BBS9: variants seen among roughly 807,000 people sequenced by gnomAD.
BBS9 encodes the protein protein PTHB1.
A neutral mutation model predicts 117.7 loss-of-function variants in BBS9; 89 were observed. That is an observed-to-expected ratio of 0.76 (90% CI 0.64 to 0.90). The LOEUF is 0.90. Ranked by LOEUF, BBS9 falls within the 40% of genes least tolerant of loss-of-function variation. The pLI is 0.00. For missense variants in BBS9, 982 were observed against 1,042.2 expected, an observed-to-expected ratio of 0.94 and a Z score of 0.80; for synonymous variants, 379 against 370.9, an observed-to-expected ratio of 1.02 and a Z score of -0.25.
chr7:33,389,687 TAAAAAAAAAAA>T (rs5883400), intron 19 of BBS9, among the ~76,000 whole-genome samples: 27 of 91,962 alleles, frequency 2.9e-4, no homozygotes, highest in Admixed American at 2.4e-3. Context: ...AGACTCCATC[TAAAAAAAAAAA>T]AAAAAAAAAA....
intron 9 of BBS9, among the ~76,000 whole-genome samples, chr7:33,308,952 C>T (rs182322289): frequency 6.6e-6 from 1 of 152,144 alleles, no homozygotes; most frequent in Non-Finnish European, 1.5e-5. Context: ...TTTTAAGTAC[C>T]AGTTGCTTTT....
At chr7:33,507,254 G>T (rs950644653) in intron 20 of BBS9, among the ~76,000 whole-genome samples, 1 of 151,720 alleles carries the variant, frequency 6.6e-6, no homozygotes, top group South Asian at 2.1e-4. Context: ...TTGTTTTTTC[G>T]TTTTGAGATG....
chr7:33,468,951 A>C lies in BBS9; in HGVS notation c.2116-36512A>C, dbSNP rs530493985. On this transcript the variant is annotated intron_variant, in intron 19 of 22. Coordinates refer to ENST00000242067, the MANE Select transcript of BBS9 (RefSeq NM_198428.3). ...GTTCCATATTTTGGCTCTTGTGAAT[A>C]GTGCTGCTTTAAACAGGCATACAGA... is the stretch of plus-strand genomic sequence containing the variant. Among the ~76,000 whole-genome samples the C allele has an allele frequency of 2.0e-5, 3 of 151,956 alleles. No homozygotes were observed. The East Asian group carries it at 5.8e-4, about 29-fold the overall frequency.
chr7:33,596,424 C>T (rs1028949436), intron 21 of BBS9, among the ~76,000 whole-genome samples: 5 of 151,184 alleles, frequency 3.3e-5, no homozygotes, highest in African/African-American at 1.2e-4. Flanking sequence ...TTCCCACCAT[C>T]ATACCTTTAC....
chr7:33,332,506 G>A lies in BBS9; in HGVS notation c.1017-3935G>A, dbSNP rs182139344. 3.2e-3 allele frequency among the ~76,000 whole-genome samples: 483 copies of A among 152,150 alleles called. 2 individuals are homozygous for A. The highest frequency in any genetic ancestry group is 0.011 in the African/African-American group (463 of 41,508). On this transcript the variant is annotated intron_variant, in intron 9 of 22. Transcript: ENST00000242067. ...AGCCTGGCCAAAATGGCAAAACCCC[G>A]TCTGTACTAAAAATATAAAAATTAG...
intron 13 of BBS9, 79 bp from the exon 14 acceptor site, chr7:33,351,140 G>A: frequency 2.2e-6 from 2 of 900,780 alleles, no homozygotes; most frequent in South Asian, 1.4e-5. Context: ...CATGTGGTGA[G>A]TGCTTATTAA....
At chr7:33,387,057 C>G (rs1366828975) in intron 18 of BBS9, among the ~76,000 whole-genome samples, 6 of 152,102 alleles carry the variant, frequency 3.9e-5, no homozygotes. Context: ...ATTTGCACAG[C>G]ATTGCATATC....
At chr7:33,501,783 CTG>C (rs1490376304) in intron 19 of BBS9, among the ~76,000 whole-genome samples, 2 of 152,362 alleles carry the variant, frequency 1.3e-5, no homozygotes, top group African/African-American at 2.4e-5. Context: ...TCAGAATACT[CTG>C]TGGCTCCCCA....
chr7:33,569,156 A>G (rs1046891745), intron 21 of BBS9, among the ~76,000 whole-genome samples: 7 of 152,302 alleles, frequency 4.6e-5, no homozygotes, highest in Admixed American at 2.6e-4. Flanking sequence ...AGGGGGTGGG[A>G]AAGAAAAGCA....
intron 19 of BBS9, among the ~76,000 whole-genome samples, chr7:33,468,049 T>G (rs1840441875): frequency 6.6e-6 from 1 of 152,152 alleles, no homozygotes; most frequent in African/African-American, 2.4e-5. Flanking sequence ...TTGAAGTGAT[T>G]ATTTATTTTT....
intron 9 of BBS9, among the ~76,000 whole-genome samples, chr7:33,300,306 C>G (rs1007284426): frequency 1.3e-5 from 2 of 152,096 alleles, no homozygotes; most frequent in African/African-American, 2.4e-5. Flanking sequence ...GAAAGGGATC[C>G]TTGGATGCAG....
rs895476798 is a variant in BBS9, at chr7:33,534,160, G to A, written c.2505G>A (p.Gln835=). Reference sequence around the variant, plus strand: ...TAAGTACCGATGCAGCAGCCCCACAGACCATGGTCATGCCAGGTAAGAGCT... The same window carrying A: ...TAAGTACCGATGCAGCAGCCCCACAAACCATGGTCATGCCAGGTAAGAGCT... ...LCLSTDAAAP[Q]TMVMPGGCTT... Residue 835 remains glutamine, a synonymous_variant, in exon 21 of 23, where the codon CAG becomes CAA. Transcript: ENST00000242067. 1.2e-5 allele frequency: 20 copies of A among 1,613,994 alleles called. No individual in the cohort carries two copies. The highest frequency in any genetic ancestry group is 1.6e-5 in the Non-Finnish European group (19 of 1,180,020).
intron 9 of BBS9, 38 bp from the exon 10 acceptor site, chr7:33,336,403 A>AT: frequency 6.4e-7 from 1 of 1,568,292 alleles, no homozygotes; most frequent in South Asian, 1.1e-5. Flanking sequence ...CTCTACTGAA[A>AT]TTTAAAATTA....
chr7:33,548,287 G>A (rs1853744416), intron 21 of BBS9, among the ~76,000 whole-genome samples: 1 of 152,094 alleles, frequency 6.6e-6, no homozygotes, highest in Non-Finnish European at 1.5e-5. Context: ...TTCTTTAATT[G>A]TCATGTAGAT....
chr7:33,301,147 A>G (rs1676304342), intron 9 of BBS9, among the ~76,000 whole-genome samples: 1 of 152,024 alleles, frequency 6.6e-6, no homozygotes, highest in Non-Finnish European at 1.5e-5. Flanking sequence ...ATACACACAC[A>G]TAAATGGGTT....
chr7:33,280,953 G>A lies in BBS9; in HGVS notation c.1016+6997G>A, dbSNP rs1486135444. On this transcript the variant is annotated intron_variant, in intron 9 of 22. Coordinates refer to ENST00000242067, the MANE Select transcript of BBS9 (RefSeq NM_198428.3). Reference sequence around the variant, plus strand: ...TTTGCATTATAGAAAGAGAATGTGAGCCTATATACTTTTTGCTATCCTGTA... The same window carrying A: ...TTTGCATTATAGAAAGAGAATGTGAACCTATATACTTTTTGCTATCCTGTA... Among the ~76,000 whole-genome samples the A allele has an allele frequency of 6.0e-5, 7 of 116,166 alleles. No homozygotes were observed. The East Asian group carries it at 2.0e-3, about 33-fold the overall frequency. 76.2% of individuals were successfully genotyped at this position (116,166 alleles called of 152,430 possible). A position where few individuals can be genotyped will look rare whatever the true frequency, so the allele number is the denominator to read the frequency against.
chr7:33,276,108 T>C (rs896172512), intron 9 of BBS9, among the ~76,000 whole-genome samples: 1 of 151,960 alleles, frequency 6.6e-6, no homozygotes, highest in African/African-American at 2.4e-5. Context: ...TTTCTTTTCT[T>C]ACATATAATT....
intron 21 of BBS9, among the ~76,000 whole-genome samples, chr7:33,560,881 C>T (rs1405083095): frequency 2.0e-5 from 3 of 152,098 alleles, no homozygotes; most frequent in East Asian, 1.9e-4. Flanking sequence ...AAGCTCATTT[C>T]CTTTTGTCTT....
At chr7:33,549,785 A>G (rs772510737) in intron 21 of BBS9, among the ~76,000 whole-genome samples, 10 of 152,226 alleles carry the variant, frequency 6.6e-5, no homozygotes, top group Non-Finnish European at 1.0e-4. Context: ...AGCACAATGG[A>G]AATCTGAACT....
Sources: allele counts gnomAD v4.1 joint callset (sites outside exome capture counted in the v4.1 genomes callset), GRCh38; gene constraint gnomAD v4.1.1; transcripts MANE v1.5; gene names NCBI Gene and HGNC (gene_info 2026-07-23, HGNC 2026-07-21).